The following CPT1A variants were observed in gnomAD, a reference collection of about 807,000 sequenced individuals.
The protein encoded by CPT1A is carnitine palmitoyltransferase 1A.
A neutral mutation model predicts 100.8 loss-of-function variants in CPT1A; 64 were observed. The observed-to-expected ratio is 0.63, with a 90% CI of 0.52 to 0.78. CPT1A has a LOEUF of 0.78. CPT1A is among the 30% of genes least tolerant of loss of function. The pLI is 0.00. For missense variants in CPT1A, 802 were observed against 1,034.1 expected (o/e 0.78, Z 3.08); for synonymous variants, 363 against 396.0 (o/e 0.92, Z 0.99).
At chr11:68,781,231 C>T (rs1055190149) in intron 11 of CPT1A, among the ~76,000 whole-genome samples, 16 of 152,228 alleles carry the variant, frequency 1.1e-4, no homozygotes, top group Non-Finnish European at 1.6e-4. Flanking sequence ...ATCTCATGAG[C>T]ATCTCCAAAC....
rs76922590 is a variant in CPT1A at position 68,835,490 on chromosome 11, T to C, written c.-14+6285A>G. Among the ~76,000 whole-genome samples the C allele has an allele frequency of 6.4e-3, 973 of 152,364 alleles. 8 individuals carry two copies. Among genetic ancestry groups the C allele is most frequent in the African/African-American group, 0.022 (922 of 41,590 alleles). ...TCTAATGTGGGGACTGCAAAATACATTGGTGTCCCTAAATGCCGCCTGCAG... is the reference window on the plus strand; with the variant it reads ...TCTAATGTGGGGACTGCAAAATACACTGGTGTCCCTAAATGCCGCCTGCAG... On this transcript the variant is annotated intron_variant, in intron 1 of 18. Transcript: ENST00000265641.
intron 3 of CPT1A, among the ~76,000 whole-genome samples, chr11:68,810,138 A>G (rs1399787028): frequency 6.6e-6 from 1 of 152,212 alleles, no homozygotes; most frequent in Non-Finnish European, 1.5e-5. Flanking sequence ...AGATCGCACC[A>G]CTGCACTCCA....
rs576631834 is a variant in CPT1A, at chr11:68,763,779, C to T, written c.1741-1018G>A. On this transcript the variant is annotated intron_variant, in intron 14 of 18. Transcript: ENST00000265641. The stretch of plus-strand genomic sequence containing the variant: ...TGGCCCACTGCGGTCAGCGCTCACT[C>T]GTGGGGAGGGGAGACGAGCCAGCTG... Among the ~76,000 whole-genome samples the T allele has an allele frequency of 4.6e-5, 7 of 152,238 alleles. No individual in the cohort carries two copies. In the East Asian group the frequency reaches 7.7e-4, roughly 17 times the overall value.
At position 68,799,302 on chromosome 11, in the gene CPT1A, T is replaced by C; in HGVS notation, c.609A>G (p.Thr203=). 3.7e-6 allele frequency: 6 copies of C among 1,614,062 alleles called. No individual in the cohort carries two copies. The highest frequency in any genetic ancestry group is 5.1e-6 in the Non-Finnish European group (6 of 1,179,944). The change falls in exon 6 of 19, where the codon ACA becomes ACG. Residue 203 remains threonine (T), a synonymous_variant. Coordinates refer to ENST00000265641, the MANE Select transcript of CPT1A (RefSeq NM_001876.4). ...LMKEEDFKRM[T]ALAQDFAVGL... is the part of the protein sequence containing the mutation. The stretch of plus-strand genomic sequence containing the variant: ...CGACAGCAAAATCTTGAGCAAGTGC[T>C]GTCATCCGTTTGAAGTCTTCTTCCT...
chr11:68,788,630 T>TAAA, intron 9 of CPT1A, among the ~76,000 whole-genome samples: 826 of 27,540 alleles, frequency 0.03, 59 homozygotes, highest in African/African-American at 0.056. Context: ...CAAACAAAAG[T>TAAA]AAAAAAAAAA....
At position 68,815,246 on chromosome 11, in the gene CPT1A, T is replaced by C. The variant is rs4930250; in HGVS notation, c.141+88A>G. 0.011 allele frequency: 15,059 copies of C among 1,390,974 alleles called. 1,797 individuals are homozygous for C. In the Admixed American group the frequency reaches 0.22, roughly 20 times the overall value. The allele number at this position is 1,390,974 out of a possible 1,614,324, so 86.2% of individuals were successfully genotyped here. On this transcript the variant is annotated intron_variant, in intron 2 of 18. Transcript: ENST00000265641. Reference sequence around the variant, plus strand: ...GGTAAGTGATATGCAGTCGCCAGTCTGAAACACGTAGACCTCAATAGCAGC... The same window carrying C: ...GGTAAGTGATATGCAGTCGCCAGTCCGAAACACGTAGACCTCAATAGCAGC...
At chr11:68,821,095 A>G (rs1856570235) in intron 1 of CPT1A, among the ~76,000 whole-genome samples, 1 of 152,156 alleles carries the variant, frequency 6.6e-6, no homozygotes, top group South Asian at 2.1e-4. Flanking sequence ...CTTAACCTCT[A>G]GAGTAGCTGG....
intron 2 of CPT1A, among the ~76,000 whole-genome samples, chr11:68,814,723 G>GT (rs1856334798): frequency 6.7e-6 from 1 of 150,034 alleles, no homozygotes; most frequent in African/African-American, 2.5e-5. Context: ...GTCTCGCTCT[G>GT]TTGCCCAGGC....
rs193298043 is a variant in CPT1A, at chr11:68,756,495, A to T, written c.*1149T>A. 17 of 152,334 alleles carry T rather than the reference A, an allele frequency of 1.1e-4. No homozygotes were observed. Among genetic ancestry groups the T allele is most frequent in the Admixed American group, 2.6e-4 (4 of 15,302 alleles). The allele number at this position is 152,334 out of a possible 1,614,324, so 9.4% of individuals were successfully genotyped here. A position where few individuals can be genotyped will look rare whatever the true frequency, so the allele number is the denominator to read the frequency against. ...CAAGGTGAGCCGGCATACTGTCTCC[A>T]TCACCCTCTGGTGAGTCTTTCCCCT... On this transcript the variant is annotated 3_prime_UTR_variant, in exon 19 of 19. Coordinates refer to ENST00000265641, the MANE Select transcript of CPT1A (RefSeq NM_001876.4).
At chr11:68,778,285 A>G (rs1855195547) in intron 12 of CPT1A, among the ~76,000 whole-genome samples, 1 of 152,046 alleles carries the variant, frequency 6.6e-6, no homozygotes, top group Non-Finnish European at 1.5e-5. Flanking sequence ...GTCAGCTGAG[A>G]CCTAAGGAAG....
At chr11:68,774,706 T>G (rs1031723312) in intron 13 of CPT1A, among the ~76,000 whole-genome samples, 4 of 141,992 alleles carry the variant, frequency 2.8e-5, no homozygotes, top group Admixed American at 7.6e-5. Context: ...CGTTTGAACC[T>G]GGGAGGCAGA....
intron 12 of CPT1A, among the ~76,000 whole-genome samples, chr11:68,776,342 T>C (rs936234743): frequency 1.3e-5 from 2 of 152,142 alleles, no homozygotes; most frequent in African/African-American, 4.8e-5. Flanking sequence ...ATGGTTTCAA[T>C]GAGTCATGAC....
intron 13 of CPT1A, among the ~76,000 whole-genome samples, chr11:68,774,939 C>T (rs1420908729): frequency 6.6e-6 from 1 of 151,882 alleles, no homozygotes; most frequent in Non-Finnish European, 1.5e-5. Flanking sequence ...TAAGAGGTGC[C>T]AAAATGAATT....
At chr11:68,786,518 C>A (rs1855466417) in intron 9 of CPT1A, among the ~76,000 whole-genome samples, 1 of 152,204 alleles carries the variant, frequency 6.6e-6, no homozygotes, top group African/African-American at 2.4e-5. Context: ...CAGAATTAAT[C>A]AATATTATGC....
intron 1 of CPT1A, among the ~76,000 whole-genome samples, chr11:68,824,751 CT>C (rs1277720467): frequency 1.6e-4 from 22 of 141,116 alleles, no homozygotes; most frequent in African/African-American, 5.2e-4. Context: ...GGGTTCCCAT[CT>C]TTTATTGATA....
Position 68,807,602 on chromosome 11 carries a change from G to T in CPT1A, c.318C>A (p.Ser106Arg). 1 of 1,614,130 alleles carries T rather than the reference G, an allele frequency of 6.2e-7. No homozygotes were observed. Among genetic ancestry groups the T allele is most frequent in the Non-Finnish European group, 8.5e-7 (1 of 1,180,046 alleles). ...CMSSQTKNVV[S>R]GVLFGTGLWV... is the part of the protein sequence containing the mutation. ...ACAGGCCGGTGCCAAACAGCACGCC[G>T]CTGACCACGTTCTTCGTCTGGCTGG... is the stretch of plus-strand genomic sequence containing the variant. The change falls in exon 4 of 19, where the codon AGC (serine) becomes AGA (arginine). Residue 106 changes from serine (S) to arginine (R), a missense_variant. Physicochemically the swap from Ser to Arg is moderately radical, Grantham distance 110 (BLOSUM62 -1). Around this residue, in one of 4 missense-constraint regions of CPT1A, gnomAD observed 161 missense variants for 183.7 expected, o/e 0.88. Coordinates refer to ENST00000265641, the MANE Select transcript of CPT1A (RefSeq NM_001876.4).
intron 5 of CPT1A, among the ~76,000 whole-genome samples, chr11:68,802,350 A>G (rs1410254329): frequency 6.6e-6 from 1 of 152,072 alleles, no homozygotes. Context: ...ATTAAAGAAA[A>G]AAAAAGACCG....
intron 1 of CPT1A, among the ~76,000 whole-genome samples, chr11:68,832,244 T>G (rs895328231): frequency 6.6e-6 from 1 of 152,058 alleles, no homozygotes; most frequent in African/African-American, 2.4e-5. Flanking sequence ...AGCTCAAGAG[T>G]TCGAGACCAG....
chr11:68,837,787 C>T (rs593062), intron 1 of CPT1A, among the ~76,000 whole-genome samples: 3,313 of 151,926 alleles, frequency 0.022, 120 homozygotes, highest in African/African-American at 0.071. Flanking sequence ...GATTGCGCCA[C>T]GGCACTCCAG....
Sources: gnomAD v4.1 joint callset for allele counts (sites outside exome capture counted in the v4.1 genomes callset) on GRCh38, gnomAD v4.1.1 for gene constraint, gnomAD v4.1.1 regional missense constraint, MANE v1.5 for transcripts, NCBI Gene and HGNC (gene_info 2026-07-23, HGNC 2026-07-21) for gene names.